KCNIP2: variants seen among roughly 807,000 people sequenced by gnomAD.
KCNIP2 encodes potassium voltage-gated channel interacting protein 2, also known as A-type potassium channel modulatory protein KCNIP2.
KCNIP2 carries 19 observed loss-of-function variants against 39.0 expected under a neutral mutation model. That is an observed-to-expected ratio of 0.49 (90% CI 0.34 to 0.71). The LOEUF is 0.71. KCNIP2 is among the 30% of genes least tolerant of loss of function. The probability of loss-of-function intolerance (pLI) is 0.01; values close to 1 mark genes in which losing one functional copy is unlikely to be tolerated. For missense variants in KCNIP2, 261 were observed against 346.0 expected (o/e 0.75, Z 1.95); for synonymous variants, 111 against 131.2 (o/e 0.85, Z 1.05).
rs112481689 is a variant in KCNIP2 at position 101,843,022 on chromosome 10, CAT to C, written c.73+472_73+473del. On this transcript the variant is annotated intron_variant, in intron 1 of 9. Coordinates refer to ENST00000356640, the MANE Select transcript of KCNIP2 (RefSeq NM_173191.3). This position sits in a 1 kb window ranked among gnomAD's most constrained non-coding sequence, Gnocchi z 6.7. ...TACACACTCACAACACATCGTTGCA[CAT>C]AGAGACACATGGTCAAAACAACTTC... 6.6e-6 allele frequency among the ~76,000 whole-genome samples: 1 copy of C among 152,204 alleles called. No homozygotes were observed. Among genetic ancestry groups the C allele is most frequent in the Non-Finnish European group, 1.5e-5 (1 of 68,040 alleles).
chr10:101,830,689 A>G (rs1409580439), intron 2 of KCNIP2, among the ~76,000 whole-genome samples: 2 of 134,438 alleles, frequency 1.5e-5, no homozygotes, highest in East Asian at 4.0e-4. Flanking sequence ...GCCCACACAC[A>G]CACACACACA....
In KCNIP2 at chr10:101,837,687, A is replaced by G. The variant is rs150299344; in HGVS notation, c.73+5809T>C. On this transcript the variant is annotated intron_variant, in intron 1 of 9. Transcript: ENST00000356640. ...TCTCAATAATAATAATAATGATAATAATAATGAGTTGTTTAACCAGAGTCA... is the reference window on the plus strand; with the variant it reads ...TCTCAATAATAATAATAATGATAATGATAATGAGTTGTTTAACCAGAGTCA... 2.6e-4 allele frequency among the ~76,000 whole-genome samples: 40 copies of G among 152,288 alleles called. No homozygotes were observed. The East Asian group carries it at 6.6e-3, about 25-fold the overall frequency.
intron 2 of KCNIP2, among the ~76,000 whole-genome samples, chr10:101,830,113 T>A (rs1433852316): frequency 1.3e-5 from 2 of 152,024 alleles, no homozygotes. Flanking sequence ...CCCATCTAAG[T>A]CCAACACAAC....
In KCNIP2 at chr10:101,838,883, A is replaced by G. The variant is rs1379232000; in HGVS notation, c.73+4613T>C. Among the ~76,000 whole-genome samples, 7 of 152,160 alleles carry G rather than the reference A, an allele frequency of 4.6e-5. No homozygotes were observed. Among genetic ancestry groups the G allele is most frequent in the Non-Finnish European group, 1.5e-5 (1 of 68,022 alleles). On this transcript the variant is annotated intron_variant, in intron 1 of 9. Transcript: ENST00000356640. The surrounding 1 kb of genome is among the most constrained non-coding windows in gnomAD (Gnocchi z 4.0). ...CTGTTTGAGGTCAGGTACAGAGGAG[A>G]CGTTGCGTTCTATGGGCCCTGCCCA...
intron 3 of KCNIP2, 154 bp from the exon 4 acceptor site, chr10:101,829,353 G>C: frequency 1.0e-6 from 1 of 978,988 alleles, no homozygotes; most frequent in Non-Finnish European, 1.4e-6. Context: ...AGGACACTGA[G>C]GTAAGGAGAA....
In KCNIP2 at chr10:101,834,289, G is replaced by A. The variant is rs188307161; in HGVS notation, c.74-3122C>T. 2.0e-5 allele frequency: 8 copies of A among 399,320 alleles called. No homozygotes were observed. In the East Asian group the frequency reaches 2.8e-4, roughly 14 times the overall value. 24.7% of individuals were successfully genotyped at this position (399,320 alleles called of 1,614,324 possible). ...TACCTTCCAAGGAGACAGGCTCAAAGAGGCCAAACTGCTCCAGGACCTTGA... is the reference window on the plus strand; with the variant it reads ...TACCTTCCAAGGAGACAGGCTCAAAAAGGCCAAACTGCTCCAGGACCTTGA... On this transcript the variant is annotated intron_variant, in intron 1 of 9. Coordinates refer to ENST00000356640, the MANE Select transcript of KCNIP2 (RefSeq NM_173191.3).
rs1399814470 is a variant in KCNIP2 at position 101,843,189 on chromosome 10, A to G, written c.73+307T>C. Among the ~76,000 whole-genome samples the G allele has an allele frequency of 1.3e-5, 2 of 152,236 alleles. No homozygotes were observed. The highest frequency in any genetic ancestry group is 2.9e-5 in the Non-Finnish European group (2 of 67,990). On this transcript the variant is annotated intron_variant, in intron 1 of 9. Transcript: ENST00000356640. This position sits in a 1 kb window ranked among gnomAD's most constrained non-coding sequence, Gnocchi z 6.7. ...CCAGCTGTGGGAGGTGCGCGCGCAC[A>G]CACACACACACACACAGAATGACAG...
intron 1 of KCNIP2, among the ~76,000 whole-genome samples, chr10:101,842,671 C>T (rs556815357): frequency 5.9e-5 from 9 of 152,288 alleles, no homozygotes; most frequent in Admixed American, 4.6e-4. Context: ...ACACTAAAGT[C>T]CCTCCTTGGG....
At chr10:101,831,289 G>A in intron 1 of KCNIP2, 122 bp from the exon 2 acceptor site, 1 of 753,862 alleles carries the variant, frequency 1.3e-6, no homozygotes, top group Non-Finnish European at 2.2e-6. Flanking sequence ...GGAATTAAGG[G>A]GAGGAAAGGA....
intron 1 of KCNIP2, among the ~76,000 whole-genome samples, chr10:101,834,779 C>T (rs962195388): frequency 6.6e-6 from 1 of 152,184 alleles, no homozygotes; most frequent in Non-Finnish European, 1.5e-5. Context: ...GGTGTATGTG[C>T]ATGAGAAACC....
intron 9 of KCNIP2, 105 bp downstream of exon 9, chr10:101,827,584 G>A (rs1001597455): frequency 2.9e-6 from 4 of 1,371,464 alleles, no homozygotes; most frequent in African/African-American, 2.9e-5. Flanking sequence ...TTGAAATATG[G>A]GGGTGAGGTG....
At chr10:101,837,243 A>C (rs2066191414) in intron 1 of KCNIP2, among the ~76,000 whole-genome samples, 1 of 152,208 alleles carries the variant, frequency 6.6e-6, no homozygotes, top group Non-Finnish European at 1.5e-5. Flanking sequence ...TTTACAGCTG[A>C]CATGGTCAGA....
intron 1 of KCNIP2, among the ~76,000 whole-genome samples, chr10:101,835,749 T>C (rs1321632329): frequency 6.6e-6 from 1 of 152,134 alleles, no homozygotes; most frequent in African/African-American, 2.4e-5. Flanking sequence ...ACACCATTAC[T>C]ACCGCTGCTG....
intron 1 of KCNIP2, chr10:101,839,685 C>T: frequency 7.0e-7 from 1 of 1,431,954 alleles, no homozygotes; most frequent in Non-Finnish European, 9.8e-7. Flanking sequence ...CCTACCTCTG[C>T]GGAGCTCCTA....
chr10:101,839,912 G>C lies in KCNIP2; in HGVS notation c.73+3584C>G, dbSNP rs896656634. 4.8e-6 allele frequency: 7 copies of C among 1,448,618 alleles called. No individual in the cohort carries two copies. In the Admixed American group the frequency reaches 7.4e-5, roughly 15 times the overall value. 89.7% of individuals were successfully genotyped at this position (1,448,618 alleles called of 1,614,324 possible). On this transcript the variant is annotated intron_variant, in intron 1 of 9. Coordinates refer to ENST00000356640, the MANE Select transcript of KCNIP2 (RefSeq NM_173191.3). ...GGCGGTCCGGTCTCCGCCCTCACCC[G>C]GGTAGGCCCGCGTGGGCGGCGCGGG...
At chr10:101,831,273 G>T in intron 1 of KCNIP2, 106 bp from the exon 2 acceptor site, 2 of 879,556 alleles carry the variant, frequency 2.3e-6, no homozygotes, top group Non-Finnish European at 3.5e-6. Context: ...GGACCGGGCT[G>T]GGGGAGGAAT....
rs956861346 is a variant in KCNIP2, at chr10:101,838,559, G to A, written c.73+4937C>T. Among the ~76,000 whole-genome samples, 8 of 152,162 alleles carry A rather than the reference G, an allele frequency of 5.3e-5. No individual in the cohort carries two copies. The highest frequency in any genetic ancestry group is 7.2e-5 in the African/African-American group (3 of 41,438). On this transcript the variant is annotated intron_variant, in intron 1 of 9. Transcript: ENST00000356640. The surrounding 1 kb of genome is among the most constrained non-coding windows in gnomAD (Gnocchi z 4.0). ...CGAGTGATTAATGACCTCCCTAGAC[G>A]TTGGGGCTATTTTGGGTCCTGGAAG...
At chr10:101,829,682 G>A in intron 3 of KCNIP2, 162 bp downstream of exon 3, 1 of 337,780 alleles carries the variant, frequency 3.0e-6, no homozygotes, top group Non-Finnish European at 5.3e-6. Context: ...CCATGCCTGA[G>A]CCATGCCCCG....
chr10:101,828,884 A>G lies in KCNIP2; in HGVS notation c.349-188T>C. 6.5e-7 allele frequency: 1 copy of G among 1,543,432 alleles called. No individual in the cohort carries two copies. Among genetic ancestry groups the G allele is most frequent in the African/African-American group, 1.4e-5 (1 of 73,056 alleles). On this transcript the variant is annotated intron_variant, in intron 4 of 9. Transcript: ENST00000356640. This position sits in a 1 kb window ranked among gnomAD's most constrained non-coding sequence, Gnocchi z 6.6. The stretch of plus-strand genomic sequence containing the variant: ...TGCACAAATAAAAAACATGGAACGA[A>G]ACTGACAGTCTACAGGCGCCACTTC...
Sources: allele counts gnomAD v4.1 joint callset (sites outside exome capture counted in the v4.1 genomes callset), GRCh38; gene constraint gnomAD v4.1.1; non-coding constraint Gnocchi (gnomAD v3.1); transcripts MANE v1.5; gene names NCBI Gene and HGNC (gene_info 2026-07-23, HGNC 2026-07-21).